The following PRTG variants were observed in gnomAD, a reference collection of about 807,000 sequenced individuals.
PRTG encodes protogenin.
A neutral mutation model predicts 122.5 loss-of-function variants in PRTG; 67 were observed. The observed-to-expected ratio is 0.55, with a 90% confidence interval of 0.45 to 0.67. The LOEUF (loss-of-function observed/expected upper bound fraction) is 0.67. PRTG is among the 30% of genes least tolerant of loss of function. The pLI is 0.00. For synonymous variants in PRTG, 554 were observed against 501.1 expected (o/e 1.11, Z -1.41); for missense variants, 1,435 against 1,415.4 (o/e 1.01, Z -0.22).
intron 11 of PRTG, among the ~76,000 whole-genome samples, chr15:55,660,653 T>C (rs2059404829): frequency 2.0e-5 from 3 of 152,314 alleles, no homozygotes; most frequent in South Asian, 4.1e-4. Context: ...AGTTTGGGCC[T>C]ACCAGACAAT....
intron 12 of PRTG, among the ~76,000 whole-genome samples, chr15:55,640,856 CA>C (rs34216536): frequency 1.6e-3 from 226 of 138,950 alleles, no homozygotes; most frequent in South Asian, 5.3e-3. Context: ...ACTAAAAATA[CA>C]AAAAAAAAAA....
At chr15:55,627,650 G>C (rs1416018026) in intron 16 of PRTG, among the ~76,000 whole-genome samples, 3 of 151,960 alleles carry the variant, frequency 2.0e-5, no homozygotes, top group African/African-American at 4.8e-5. Flanking sequence ...CAATATTAAA[G>C]ATTTTAAATG....
At chr15:55,714,362 G>C (rs1480888022) in intron 2 of PRTG, among the ~76,000 whole-genome samples, 1 of 151,842 alleles carries the variant, frequency 6.6e-6, no homozygotes, top group Non-Finnish European at 1.5e-5. Flanking sequence ...GGGTAGCTGG[G>C]ACTACAGATG....
In PRTG at chr15:55,741,528, C is replaced by T. The variant is rs555810206; in HGVS notation, c.95-844G>A. 5.9e-5 allele frequency among the ~76,000 whole-genome samples: 9 copies of T among 152,278 alleles called. No individual in the cohort carries two copies. In the South Asian group the frequency reaches 1.9e-3, roughly 32 times the overall value. ...AGCATATACACATCGCCCCTGGGCC[C>T]TCGCCAGGATAAAGCATTCGATGAC... On this transcript the variant is annotated intron_variant, in intron 1 of 19. Transcript: ENST00000389286.
chr15:55,670,174 AG>A (rs2059461292), intron 11 of PRTG, among the ~76,000 whole-genome samples: 1 of 152,156 alleles, frequency 6.6e-6, no homozygotes, highest in South Asian at 2.1e-4. Context: ...ATGTATCTGT[AG>A]AAAATTTTGA....
At chr15:55,731,298 G>C (rs1483018648) in intron 2 of PRTG, among the ~76,000 whole-genome samples, 4 of 151,648 alleles carry the variant, frequency 2.6e-5, no homozygotes, top group Non-Finnish European at 4.4e-5. Flanking sequence ...AATCCCATCA[G>C]GGGACGCCAG....
intron 11 of PRTG, among the ~76,000 whole-genome samples, chr15:55,657,716 T>C (rs1039221279): frequency 1.3e-5 from 2 of 152,212 alleles, no homozygotes; most frequent in African/African-American, 2.4e-5. Context: ...ACTCAACTTA[T>C]AGGCCATTTC....
At chr15:55,628,745 T>C (rs2059209202) in intron 16 of PRTG, 77 bp downstream of exon 16, 6 of 1,142,300 alleles carry the variant, frequency 5.3e-6, no homozygotes, top group Non-Finnish European at 6.1e-6. Context: ...ACAGCAATTG[T>C]AGGAGCAGAA....
chr15:55,739,509 G>A (rs1211372052), intron 2 of PRTG, among the ~76,000 whole-genome samples: 1 of 152,148 alleles, frequency 6.6e-6, no homozygotes, highest in Non-Finnish European at 1.5e-5. Context: ...AAAGCATGCA[G>A]GTCAAATGCC....
At chr15:55,626,706 C>T (rs112272356) in intron 17 of PRTG, among the ~76,000 whole-genome samples, 1,629 of 143,500 alleles carry the variant, frequency 0.011, 30 homozygotes, top group African/African-American at 0.039. Flanking sequence ...TGCAGTGAGC[C>T]GAGATTGCAC....
At chr15:55,643,431 T>C (rs1228500922) in intron 11 of PRTG, among the ~76,000 whole-genome samples, 1 of 152,180 alleles carries the variant, frequency 6.6e-6, no homozygotes, top group African/African-American at 2.4e-5. Flanking sequence ...GTGATACCAA[T>C]GTTTCTTTTG....
chr15:55,710,744 C>T (rs1163062662), intron 2 of PRTG, among the ~76,000 whole-genome samples: 1 of 152,110 alleles, frequency 6.6e-6, no homozygotes, highest in African/African-American at 2.4e-5. Context: ...TCCTGATCAA[C>T]TTATATAGAA....
At chr15:55,738,019 T>TACACACACACACAC (rs1555438599) in intron 2 of PRTG, among the ~76,000 whole-genome samples, 3 of 114,854 alleles carry the variant, frequency 2.6e-5, no homozygotes. Context: ...TATATATATA[T>TACACACACACACAC]ATATATACAC....
intron 18 of PRTG, among the ~76,000 whole-genome samples, chr15:55,621,715 G>C (rs1567071589): frequency 1.3e-5 from 2 of 152,116 alleles, no homozygotes; most frequent in Non-Finnish European, 1.5e-5. Context: ...GTATTTGTTA[G>C]TGGTCAAAAC....
chr15:55,620,679 TTCTTTGA>T lies in PRTG; in HGVS notation c.3175_3181del (p.Ser1059ArgfsTer25), dbSNP rs775054939. 1 of 1,594,282 alleles carries T rather than the reference TTCTTTGA, an allele frequency of 6.3e-7. No homozygotes were observed. The highest frequency in any genetic ancestry group is 8.5e-7 in the Non-Finnish European group (1 of 1,175,402). On this transcript the variant is annotated frameshift_variant, in exon 19 of 20. Coordinates refer to ENST00000389286, the MANE Select transcript of PRTG (RefSeq NM_173814.6). LOFTEE classifies it high-confidence loss of function. ...ATAGGTTACCTGCTCAACTTGTATC[TTCTTTGA>T]GTCTTGGAAAAAAAACCACTTTTTC...
At chr15:55,721,817 A>G (rs1018944416) in intron 2 of PRTG, among the ~76,000 whole-genome samples, 6 of 152,218 alleles carry the variant, frequency 3.9e-5, no homozygotes, top group Non-Finnish European at 8.8e-5. Context: ...ACAAGAGCTG[A>G]GCAAATGGGG....
chr15:55,663,393 G>A (rs986457327), intron 11 of PRTG, among the ~76,000 whole-genome samples: 2 of 151,990 alleles, frequency 1.3e-5, no homozygotes, highest in Non-Finnish European at 2.9e-5. Context: ...CCTATTTAAC[G>A]CATGTATAGA....
intron 2 of PRTG, among the ~76,000 whole-genome samples, chr15:55,690,550 T>A (rs1000403122): frequency 6.6e-6 from 1 of 152,206 alleles, no homozygotes; most frequent in African/African-American, 2.4e-5. Flanking sequence ...AATCTGGAAC[T>A]TTTTTAGCAC....
intron 15 of PRTG, among the ~76,000 whole-genome samples, chr15:55,634,847 A>G (rs1247654927): frequency 6.6e-6 from 1 of 152,034 alleles, no homozygotes; most frequent in Non-Finnish European, 1.5e-5. Context: ...CCAAAAAAAA[A>G]AAAGAATACT....
Sources: allele counts gnomAD v4.1 joint callset (sites outside exome capture counted in the v4.1 genomes callset), GRCh38; gene constraint gnomAD v4.1.1; transcripts MANE v1.5; gene names NCBI Gene and HGNC (gene_info 2026-07-23, HGNC 2026-07-21).